Variants in MEGF10 observed in about 807,000 individuals in gnomAD.
The protein encoded by MEGF10 is multiple EGF like domains 10.
A neutral mutation model predicts 147.5 loss-of-function variants in MEGF10; 86 were observed. The ratio of observed to expected loss-of-function variants is 0.58; its 90% CI spans 0.49 to 0.70. The LOEUF (loss-of-function observed/expected upper bound fraction) is 0.70. Ranked by LOEUF, MEGF10 falls within the 30% of genes least tolerant of loss-of-function variation. MEGF10 has a pLI of 0.00. For synonymous variants in MEGF10, 478 were observed against 525.5 expected, an observed-to-expected ratio of 0.91 and a Z score of 1.24; for missense variants, 1,329 against 1,487.3, an observed-to-expected ratio of 0.89 and a Z score of 1.75.
At chr5:127,403,880 T>C (rs1228851451) in intron 8 of MEGF10, among the ~76,000 whole-genome samples, 3 of 152,228 alleles carry the variant, frequency 2.0e-5, no homozygotes, top group Non-Finnish European at 4.4e-5. Flanking sequence ...TCTTAGCTAT[T>C]GTAAACAGTG....
At chr5:127,412,461 G>A (rs1764610344) in intron 9 of MEGF10, among the ~76,000 whole-genome samples, 1 of 152,128 alleles carries the variant, frequency 6.6e-6, no homozygotes. Context: ...AGTCTAGTTT[G>A]TTCACATTAG....
chr5:127,424,459 G>C, intron 13 of MEGF10: 1 of 1,263,358 alleles, frequency 7.9e-7, no homozygotes, highest in South Asian at 1.3e-5. Flanking sequence ...TCAATTTGGG[G>C]AATACTGTCC....
chr5:127,439,421 TTAA>T (rs34451603), intron 17 of MEGF10, among the ~76,000 whole-genome samples: 75,419 of 151,796 alleles, frequency 0.5, 20,559 homozygotes, highest in Middle Eastern at 0.66. Flanking sequence ...CAATTCTTAT[TTAA>T]TACTAATTAG....
Position 127,339,152 on chromosome 5 carries a change from A to G in MEGF10, c.149A>G (p.His50Arg), listed in dbSNP as rs1357420963. 6.2e-7 allele frequency: 1 copy of G among 1,612,346 alleles called. No homozygotes were observed. The highest frequency in any genetic ancestry group is 8.5e-7 in the Non-Finnish European group (1 of 1,178,692). ...YSVTVQESYP[H>R]PFDQIYYTSC... ...GTGACTGTGCAAGAGTCATACCCACATCCCTTTGATCAAATTTACTACACG... is the reference window on the plus strand; with the variant it reads ...GTGACTGTGCAAGAGTCATACCCACGTCCCTTTGATCAAATTTACTACACG... The change falls in exon 3 of 25, where the codon CAT becomes CGT. Residue 50 changes from histidine to arginine, a missense_variant. By Grantham distance (29) the His-to-Arg change is conservative (BLOSUM62 0). Around this residue, in one of 3 missense-constraint regions of MEGF10, gnomAD observed 980 missense variants for 1,085.9 expected, o/e 0.90. Transcript: ENST00000503335.
upstream of MEGF10, among the ~76,000 whole-genome samples, chr5:127,288,003 G>A (rs1356736682): frequency 6.6e-5 from 10 of 152,010 alleles, no homozygotes; most frequent in Non-Finnish European, 1.0e-4. Context: ...TGGGAAAAAA[G>A]ATAATCTTCT....
chr5:127,434,053 A>G (rs974400084), intron 14 of MEGF10, among the ~76,000 whole-genome samples: 7 of 152,260 alleles, frequency 4.6e-5, no homozygotes, highest in African/African-American at 1.7e-4. Context: ...TGCAATCAAA[A>G]AAGAATATGT....
At chr5:127,359,488 A>C (rs1762399771) in intron 4 of MEGF10, among the ~76,000 whole-genome samples, 1 of 152,112 alleles carries the variant, frequency 6.6e-6, no homozygotes, top group South Asian at 2.1e-4. Context: ...TAGTGAACCT[A>C]TACATCACAT....
chr5:127,255,167 A>C, the MEGF10 span, among the ~76,000 whole-genome samples: 2 of 152,056 alleles, frequency 1.3e-5, no homozygotes, highest in Admixed American at 1.3e-4. Flanking sequence ...TCACAGGTCC[A>C]GGTGGAGTCA....
the MEGF10 span, among the ~76,000 whole-genome samples, chr5:127,273,364 G>T: frequency 1.1e-4 from 16 of 152,140 alleles, no homozygotes; most frequent in Admixed American, 9.2e-4. Context: ...AAAAAAACTC[G>T]ACATGGGTCG....
chr5:127,372,651 C>G (rs564327411), intron 5 of MEGF10, among the ~76,000 whole-genome samples: 1 of 152,080 alleles, frequency 6.6e-6, no homozygotes, highest in African/African-American at 2.4e-5. Context: ...GAGAACTGGC[C>G]AGGTATCCTG....
intron 18 of MEGF10, among the ~76,000 whole-genome samples, chr5:127,441,627 G>A (rs926241568): frequency 6.6e-6 from 1 of 152,154 alleles, no homozygotes; most frequent in East Asian, 1.9e-4. Context: ...TAAGGGCTTA[G>A]GGCTGTATCA....
intron 5 of MEGF10, among the ~76,000 whole-genome samples, chr5:127,391,098 GCGCGCACACACACACACA>G (rs1367462015): frequency 5.7e-4 from 17 of 29,736 alleles, no homozygotes; most frequent in African/African-American, 1.2e-3. Flanking sequence ...GCGCGCGCGC[GCGCGCACACACACACACA>G]CACACACACA....
the MEGF10 span, among the ~76,000 whole-genome samples, chr5:127,239,484 T>TATACAC: frequency 7.6e-5 from 11 of 145,012 alleles, no homozygotes; most frequent in East Asian, 2.0e-3. Context: ...ATAATATATA[T>TATACAC]ACACACACAC....
At chr5:127,403,967 A>G (rs1012243830) in intron 8 of MEGF10, among the ~76,000 whole-genome samples, 3 of 152,164 alleles carry the variant, frequency 2.0e-5, no homozygotes, top group Admixed American at 6.5e-5. Context: ...CAGCAGTGGG[A>G]TTGCTGGATC....
the MEGF10 span, among the ~76,000 whole-genome samples, chr5:127,237,762 G>A: frequency 1.4e-3 from 220 of 152,010 alleles, 1 homozygote; most frequent in African/African-American, 4.9e-3. Context: ...GAGGACTCAG[G>A]GCCAGGGATG....
In MEGF10 at chr5:127,324,491, A is replaced by G. The variant is rs148711849; in HGVS notation, c.-18-6800A>G. ...CTCCTTGATCTCTACCATAATTTCTATTATTTCTCCCAGTCCTGCTGATTC... is the reference window on the plus strand; with the variant it reads ...CTCCTTGATCTCTACCATAATTTCTGTTATTTCTCCCAGTCCTGCTGATTC... On this transcript the variant is annotated intron_variant, in intron 1 of 24. Coordinates refer to ENST00000503335, the MANE Select transcript of MEGF10 (RefSeq NM_001256545.2). Among the ~76,000 whole-genome samples the G allele has an allele frequency of 1.9e-3, 286 of 152,190 alleles. 3 individuals are homozygous for G. The highest frequency in any genetic ancestry group is 6.5e-3 in the African/African-American group (272 of 41,540).
chr5:127,289,813 A>C (rs1280011138), upstream of MEGF10, among the ~76,000 whole-genome samples: 2 of 152,210 alleles, frequency 1.3e-5, no homozygotes, highest in Non-Finnish European at 2.9e-5. Context: ...GAGGAAGAGA[A>C]GCCTGGTAGG....
chr5:127,456,467 TTA>T (rs1561658797), intron 24 of MEGF10, among the ~76,000 whole-genome samples: 2 of 152,210 alleles, frequency 1.3e-5, no homozygotes, highest in Non-Finnish European at 2.9e-5. Context: ...CTCTGAGTAT[TTA>T]TGATTTTAAC....
At chr5:127,371,240 TG>T (rs1378577613) in intron 5 of MEGF10, among the ~76,000 whole-genome samples, 1 of 147,168 alleles carries the variant, frequency 6.8e-6, no homozygotes, top group Non-Finnish European at 1.5e-5. Context: ...TGTGTGTGTG[TG>T]TGTGTCTTTC....
Sources: gnomAD v4.1 joint callset for allele counts (sites outside exome capture counted in the v4.1 genomes callset) on GRCh38, gnomAD v4.1.1 for gene constraint, gnomAD v4.1.1 regional missense constraint, MANE v1.5 for transcripts, NCBI Gene and HGNC (gene_info 2026-07-23, HGNC 2026-07-21) for gene names.